Variants in ARFIP1 observed in about 807,000 individuals in gnomAD.
ARFIP1 encodes ARF interacting protein 1.
ARFIP1 carries 24 observed loss-of-function variants against 42.5 expected under a neutral mutation model. The ratio of observed to expected loss-of-function variants is 0.57; its 90% CI spans 0.41 to 0.80. The LOEUF (loss-of-function observed/expected upper bound fraction) is 0.80. Among genes scored for constraint, ARFIP1 ranks in the 30% least tolerant of loss-of-function variants. ARFIP1 has a pLI of 0.00. For missense variants in ARFIP1, 354 were observed against 434.0 expected (o/e 0.82, Z 1.64); for synonymous variants, 141 against 153.7 (o/e 0.92, Z 0.61).
chr4:152,901,153 T>C (rs933713264), intron 8 of ARFIP1, among the ~76,000 whole-genome samples: 3 of 152,254 alleles, frequency 2.0e-5, no homozygotes, highest in Non-Finnish European at 4.4e-5. Context: ...GAAGGTCATA[T>C]AATCTAAATT....
chr4:152,865,555 T>A (rs945139152), intron 3 of ARFIP1, among the ~76,000 whole-genome samples: 1 of 152,234 alleles, frequency 6.6e-6, no homozygotes, highest in Non-Finnish European at 1.5e-5. Flanking sequence ...TAATCCAGTA[T>A]AATATCCTCT....
chr4:152,859,000 CA>C (rs1434018312), intron 2 of ARFIP1, among the ~76,000 whole-genome samples: 1 of 152,146 alleles, frequency 6.6e-6, no homozygotes, highest in East Asian at 1.9e-4. Context: ...ATTTGAGACC[CA>C]AGACCAATAT....
intron 1 of ARFIP1, chr4:152,809,950 A>G (rs1729316673): frequency 6.6e-6 from 1 of 152,220 alleles, no homozygotes; most frequent in South Asian, 2.1e-4. Context: ...ATGTACTTGA[A>G]CTTAACAAGG....
intron 1 of ARFIP1, among the ~76,000 whole-genome samples, chr4:152,790,700 T>C (rs1329010145): frequency 1.3e-5 from 2 of 151,974 alleles, no homozygotes; most frequent in Non-Finnish European, 2.9e-5. Context: ...GCTTTCTATT[T>C]TTGAATTATC....
chr4:152,844,284 C>T (rs193213962), intron 2 of ARFIP1, among the ~76,000 whole-genome samples: 6 of 152,260 alleles, frequency 3.9e-5, no homozygotes, highest in Admixed American at 6.5e-5. Context: ...CTGGGTCCTC[C>T]GGGAGCAGTC....
chr4:152,825,117 A>T (rs1046753211), intron 1 of ARFIP1, among the ~76,000 whole-genome samples: 5 of 152,070 alleles, frequency 3.3e-5, no homozygotes, highest in African/African-American at 1.2e-4. Flanking sequence ...AAGAATCTGT[A>T]TTCTGAAAAC....
Position 152,863,674 on chromosome 4 carries a change from C to A in ARFIP1, c.162C>A (p.Asp54Glu). 6.2e-7 allele frequency: 1 copy of A among 1,610,580 alleles called. No homozygotes were observed. Among genetic ancestry groups the A allele is most frequent in the South Asian group, 1.1e-5 (1 of 90,964 alleles). Residue 54 changes from aspartate (D) to glutamate (E), a missense_variant, in exon 3 of 9, where the codon GAC becomes GAA. Coordinates refer to ENST00000353617, the MANE Select transcript of ARFIP1 (RefSeq NM_001025595.3). The stretch of plus-strand genomic sequence containing the variant: ...CCCAAATTACATCTCATGGCTTTGA[C>A]AATACCAAAGAGGGTGTTATTGAAG... ...SETQITSHGF[D>E]NTKEGVIEAG... is the part of the protein sequence containing the mutation.
At chr4:152,854,938 G>C (rs1236133577) in intron 2 of ARFIP1, among the ~76,000 whole-genome samples, 1 of 152,238 alleles carries the variant, frequency 6.6e-6, no homozygotes, top group Non-Finnish European at 1.5e-5. Flanking sequence ...TGGGCCTCCA[G>C]ATGGCTTACT....
Position 152,816,888 on chromosome 4 carries a change from A to G in ARFIP1, c.-9-12737A>G, listed in dbSNP as rs181852644. 2.9e-4 allele frequency among the ~76,000 whole-genome samples: 44 copies of G among 152,250 alleles called. No homozygotes were observed. In the East Asian group the frequency reaches 7.1e-3, roughly 25 times the overall value. On this transcript the variant is annotated intron_variant, in intron 1 of 8. Transcript: ENST00000353617. ...CTATTGAGGATCTTTCCTTTACTAT[A>G]TTCGTAATCTGTTATCGTACAAGAT...
chr4:152,831,937 C>A (rs144614195), intron 2 of ARFIP1, among the ~76,000 whole-genome samples: 13 of 151,974 alleles, frequency 8.6e-5, no homozygotes, highest in Admixed American at 7.2e-4. Context: ...CTTTGCCCCC[C>A]ACCCCCCGAG....
chr4:152,864,059 T>C (rs1734116230), intron 3 of ARFIP1, among the ~76,000 whole-genome samples: 1 of 152,220 alleles, frequency 6.6e-6, no homozygotes, highest in African/African-American at 2.4e-5. Context: ...AATACATATT[T>C]CTTATTTCAA....
intron 3 of ARFIP1, among the ~76,000 whole-genome samples, chr4:152,864,228 C>T (rs1415896247): frequency 1.3e-5 from 2 of 152,162 alleles, no homozygotes; most frequent in South Asian, 2.1e-4. Flanking sequence ...CTGTTGAATA[C>T]CTGAGATATA....
intron 2 of ARFIP1, among the ~76,000 whole-genome samples, chr4:152,833,260 A>G (rs978427836): frequency 2.0e-5 from 3 of 149,826 alleles, no homozygotes; most frequent in African/African-American, 7.3e-5. Context: ...AAAAAAAAGT[A>G]CAAATGGCCA....
chr4:152,810,908 C>T (rs915222774), intron 1 of ARFIP1, among the ~76,000 whole-genome samples: 6 of 151,922 alleles, frequency 3.9e-5, no homozygotes, highest in African/African-American at 1.5e-4. Flanking sequence ...GTGTGCTGTG[C>T]TTATCTCTAC....
At chr4:152,806,000 A>T (rs1013782014) in intron 1 of ARFIP1, among the ~76,000 whole-genome samples, 5 of 152,264 alleles carry the variant, frequency 3.3e-5, no homozygotes, top group Admixed American at 3.3e-4. Context: ...GCAGCCAAAA[A>T]TAAGGAAATA....
At chr4:152,870,700 C>A in intron 3 of ARFIP1, 53 bp from the exon 4 acceptor site, 1 of 1,215,928 alleles carries the variant, frequency 8.2e-7, no homozygotes, top group Non-Finnish European at 1.2e-6. Flanking sequence ...TCAAAATGTA[C>A]AGTATGTGGA....
intron 1 of ARFIP1, among the ~76,000 whole-genome samples, chr4:152,815,987 G>A (rs901690687): frequency 3.3e-5 from 5 of 151,768 alleles, no homozygotes; most frequent in East Asian, 1.9e-4. Context: ...CTCGTGTTCC[G>A]CCCGCCTCAG....
intron 6 of ARFIP1, 136 bp from the exon 7 acceptor site, chr4:152,882,587 G>A (rs1735932785): frequency 1.1e-6 from 1 of 931,776 alleles, no homozygotes. Context: ...TCTTAAAGAC[G>A]GAAAGGAAAA....
intron 1 of ARFIP1, among the ~76,000 whole-genome samples, chr4:152,805,712 C>T (rs577466024): frequency 5.3e-5 from 8 of 152,272 alleles, no homozygotes; most frequent in African/African-American, 1.7e-4. Flanking sequence ...ATATGTCAAG[C>T]GCTCTTCTAA....
Sources: allele counts gnomAD v4.1 joint callset (sites outside exome capture counted in the v4.1 genomes callset), GRCh38; gene constraint gnomAD v4.1.1; transcripts MANE v1.5; gene names NCBI Gene and HGNC (gene_info 2026-07-23, HGNC 2026-07-21).